Variants in ASIC2 observed in about 807,000 individuals in gnomAD.
The protein encoded by ASIC2 is acid-sensing ion channel 2.
In ASIC2, 25 loss-of-function variants were observed where a neutral mutation model predicts 57.3. The observed-to-expected ratio is 0.44, with a 90% CI of 0.32 to 0.61. The LOEUF (loss-of-function observed/expected upper bound fraction) is 0.61. Ranked by LOEUF, ASIC2 falls within the 20% of genes least tolerant of loss-of-function variation. ASIC2 has a pLI of 0.06. For synonymous variants in ASIC2, 319 were observed against 307.5 expected (o/e 1.04, Z -0.39); for missense variants, 641 against 738.1 (o/e 0.87, Z 1.52).
chr17:33,863,928 A>G (rs1472725998), intron 1 of ASIC2, among the ~76,000 whole-genome samples: 3 of 142,944 alleles, frequency 2.1e-5, no homozygotes, highest in East Asian at 2.0e-4. Flanking sequence ...TTTGAGATGG[A>G]GTTTCGCTCT....
intron 1 of ASIC2, among the ~76,000 whole-genome samples, chr17:33,457,969 G>T (rs1395147206): frequency 6.6e-6 from 1 of 152,164 alleles, no homozygotes; most frequent in African/African-American, 2.4e-5. Flanking sequence ...AGTTACAATG[G>T]AGGAAATAAT....
At chr17:34,076,089 G>A (rs1285990050) in intron 1 of ASIC2, among the ~76,000 whole-genome samples, 1 of 151,624 alleles carries the variant, frequency 6.6e-6, no homozygotes, top group Admixed American at 6.6e-5. Flanking sequence ...TGCAAGCTCC[G>A]CCTCCCGGGT....
intron 1 of ASIC2, among the ~76,000 whole-genome samples, chr17:33,931,673 A>G (rs1393171361): frequency 6.6e-6 from 1 of 152,156 alleles, no homozygotes; most frequent in Non-Finnish European, 1.5e-5. Flanking sequence ...GTGTGTTGTC[A>G]ACTGGGAGTG....
intron 1 of ASIC2, among the ~76,000 whole-genome samples, chr17:33,118,430 C>T (rs1480991244): frequency 6.6e-6 from 1 of 152,150 alleles, no homozygotes; most frequent in Non-Finnish European, 1.5e-5. Context: ...GCTGGAGGAG[C>T]CAGGGTGAAA....
chr17:33,353,893 C>A (rs2014285), intron 1 of ASIC2, among the ~76,000 whole-genome samples: 1 of 152,118 alleles, frequency 6.6e-6, no homozygotes, highest in East Asian at 1.9e-4. Context: ...AGAGTATTAG[C>A]CCATTCTCTT....
intron 1 of ASIC2, among the ~76,000 whole-genome samples, chr17:33,423,028 T>C (rs947527487): frequency 6.6e-6 from 1 of 152,132 alleles, no homozygotes; most frequent in East Asian, 1.9e-4. Context: ...TCTGAGATGC[T>C]TTTAGCTGTA....
chr17:33,340,283 G>A (rs1907673202), intron 1 of ASIC2, among the ~76,000 whole-genome samples: 1 of 152,130 alleles, frequency 6.6e-6, no homozygotes, highest in South Asian at 2.1e-4. Context: ...GACCTCTGAG[G>A]GTGATGGGGA....
intron 1 of ASIC2, among the ~76,000 whole-genome samples, chr17:33,461,596 A>G (rs1393987351): frequency 6.6e-6 from 1 of 152,194 alleles, no homozygotes; most frequent in Non-Finnish European, 1.5e-5. Context: ...CAAGCAGTGA[A>G]CAAGTCATCA....
At chr17:33,490,618 C>T (rs1055456052) in intron 1 of ASIC2, among the ~76,000 whole-genome samples, 7 of 152,164 alleles carry the variant, frequency 4.6e-5, no homozygotes, top group Admixed American at 2.0e-4. Context: ...TCTTGCCTGG[C>T]GCCATCTAAG....
chr17:33,961,897 C>A lies in ASIC2; in HGVS notation c.555+194081G>T, dbSNP rs12450316. Among the ~76,000 whole-genome samples the A allele has an allele frequency of 3.3e-3, 499 of 152,296 alleles. 9 individuals are homozygous for A. The highest frequency in any genetic ancestry group is 0.024 in the East Asian group (125 of 5,174). ...CTGTAGCCCTGGGAAGAAGTAAGAACAAGCTGGGGAGAAGCCAACTCAGGA... is the reference window on the plus strand; with the variant it reads ...CTGTAGCCCTGGGAAGAAGTAAGAAAAAGCTGGGGAGAAGCCAACTCAGGA... On this transcript the variant is annotated intron_variant, in intron 1 of 9. Transcript: ENST00000359872.
intron 1 of ASIC2, among the ~76,000 whole-genome samples, chr17:33,806,300 T>C (rs528949515): frequency 6.6e-6 from 1 of 152,194 alleles, no homozygotes; most frequent in Non-Finnish European, 1.5e-5. Flanking sequence ...CCAAGAAAAG[T>C]TTATGAATAC....
At chr17:33,094,760 C>G (rs999178801) in intron 2 of ASIC2, among the ~76,000 whole-genome samples, 2 of 152,186 alleles carry the variant, frequency 1.3e-5, no homozygotes, top group African/African-American at 4.8e-5. Flanking sequence ...TCCCCTAGTC[C>G]TAGCTCCGCC....
intron 1 of ASIC2, among the ~76,000 whole-genome samples, chr17:33,176,063 C>T (rs79638814): frequency 3.3e-5 from 5 of 152,188 alleles, no homozygotes; most frequent in Non-Finnish European, 5.9e-5. Flanking sequence ...CAGGCTGTTT[C>T]CCCTTACTGG....
intron 1 of ASIC2, among the ~76,000 whole-genome samples, chr17:33,719,939 G>A (rs964158004): frequency 1.1e-4 from 17 of 152,306 alleles, no homozygotes; most frequent in African/African-American, 4.1e-4. Context: ...GGAGTGTAGT[G>A]GTGCAATCTC....
chr17:33,448,507 G>C (rs573410899), intron 1 of ASIC2, among the ~76,000 whole-genome samples: 1 of 152,204 alleles, frequency 6.6e-6, no homozygotes, highest in Admixed American at 6.5e-5. Flanking sequence ...GGGAGATTAC[G>C]CACTCAGAGG....
intron 1 of ASIC2, among the ~76,000 whole-genome samples, chr17:33,263,850 C>T (rs374435836): frequency 6.6e-6 from 1 of 152,244 alleles, no homozygotes; most frequent in African/African-American, 2.4e-5. Flanking sequence ...CCCTTCTGCG[C>T]GGGACAGAGG....
intron 1 of ASIC2, among the ~76,000 whole-genome samples, chr17:33,953,634 G>A (rs1904646401): frequency 6.6e-6 from 1 of 152,076 alleles, no homozygotes; most frequent in Admixed American, 6.6e-5. Flanking sequence ...TCTCAAAGAA[G>A]GATGAAGTGC....
intron 1 of ASIC2, among the ~76,000 whole-genome samples, chr17:33,718,824 T>A (rs932361170): frequency 6.6e-6 from 1 of 152,126 alleles, no homozygotes; most frequent in Non-Finnish European, 1.5e-5. Flanking sequence ...AAGCATATAC[T>A]GGGGAAGTCA....
chr17:33,252,525 T>C (rs906715311), intron 1 of ASIC2, among the ~76,000 whole-genome samples: 5 of 152,070 alleles, frequency 3.3e-5, no homozygotes, highest in African/African-American at 1.2e-4. Flanking sequence ...GGTTAATATG[T>C]TGGGTAATAT....
Sources: gnomAD v4.1 joint callset for allele counts (sites outside exome capture counted in the v4.1 genomes callset) on GRCh38, gnomAD v4.1.1 for gene constraint, MANE v1.5 for transcripts, NCBI Gene and HGNC (gene_info 2026-07-23, HGNC 2026-07-21) for gene names.